Variants in PRUNE2 observed in about 807,000 individuals in gnomAD.
The protein encoded by PRUNE2 is prune homolog 2 with BCH domain.
PRUNE2 carries 164 observed loss-of-function variants against 252.0 expected under a neutral mutation model. The ratio of observed to expected loss-of-function variants is 0.65; its 90% CI spans 0.57 to 0.74. PRUNE2 has a LOEUF of 0.74. Among genes scored for constraint, PRUNE2 ranks in the 30% least tolerant of loss-of-function variants. The pLI is 0.00. For missense variants in PRUNE2, 3,495 were observed against 3,711.0 expected, an observed-to-expected ratio of 0.94 and a Z score of 1.51; for synonymous variants, 1,292 against 1,350.2, an observed-to-expected ratio of 0.96 and a Z score of 0.94.
chr9:76,726,087 T>C (rs2048079889), intron 6 of PRUNE2, among the ~76,000 whole-genome samples: 3 of 152,112 alleles, frequency 2.0e-5, no homozygotes, highest in South Asian at 2.1e-4. Flanking sequence ...TGGCATCCTC[T>C]ACACGGTGGG....
chr9:76,881,041 A>G (rs1294157035), intron 1 of PRUNE2, among the ~76,000 whole-genome samples: 1 of 150,570 alleles, frequency 6.6e-6, no homozygotes, highest in Non-Finnish European at 1.5e-5. Context: ...ACTCACTGCA[A>G]CCTCCACCTC....
At chr9:76,725,278 C>A (rs2048010677) in intron 6 of PRUNE2, among the ~76,000 whole-genome samples, 1 of 152,214 alleles carries the variant, frequency 6.6e-6, no homozygotes, top group Non-Finnish European at 1.5e-5. Flanking sequence ...CAATATTAAC[C>A]TGACCAAATG....
At position 76,620,633 on chromosome 9, in the gene PRUNE2, T is replaced by G. The variant is rs1006979599; in HGVS notation, c.9189-1246A>C. Among the ~76,000 whole-genome samples the G allele has an allele frequency of 2.2e-4, 33 of 152,290 alleles. 1 individual carries two copies. Among genetic ancestry groups the G allele is most frequent in the African/African-American group, 7.9e-4 (33 of 41,556 alleles). ...CAGGCGGCTATCTCCCCAGGTGAGA[T>G]AGCAACCTTCCTTTCTCACTCCCCA... On this transcript the variant is annotated intron_variant, in intron 17 of 18. Coordinates refer to ENST00000376718, the MANE Select transcript of PRUNE2 (RefSeq NM_015225.3).
intron 6 of PRUNE2, among the ~76,000 whole-genome samples, chr9:76,717,697 C>T (rs915308965): frequency 8.5e-5 from 13 of 152,078 alleles, no homozygotes; most frequent in Non-Finnish European, 1.5e-4. Context: ...CAGCCACACA[C>T]ACCTTCTGCA....
chr9:76,684,596 G>A (rs1189075464), intron 9 of PRUNE2, among the ~76,000 whole-genome samples: 1 of 152,314 alleles, frequency 6.6e-6, no homozygotes, highest in East Asian at 1.9e-4. Flanking sequence ...TAGATATCCA[G>A]CGTAAAGCTG....
intron 1 of PRUNE2, among the ~76,000 whole-genome samples, chr9:76,860,810 G>A (rs1432616239): frequency 6.6e-6 from 1 of 152,160 alleles, no homozygotes; most frequent in Admixed American, 6.5e-5. Context: ...TGAAACTGTA[G>A]GATGGTGTCT....
intron 1 of PRUNE2, among the ~76,000 whole-genome samples, chr9:76,873,176 G>A (rs2061311935): frequency 6.6e-6 from 1 of 152,022 alleles, no homozygotes; most frequent in African/African-American, 2.4e-5. Flanking sequence ...AGCCTCCAGA[G>A]CTGTGAGACA....
intron 1 of PRUNE2, among the ~76,000 whole-genome samples, chr9:76,869,414 G>A (rs904140500): frequency 1.3e-5 from 2 of 152,142 alleles, no homozygotes; most frequent in Admixed American, 6.6e-5. Flanking sequence ...GTTTTTCAGT[G>A]ACAGAAGAAC....
chr9:76,645,746 TTAAG>T (rs1844578991), intron 11 of PRUNE2, among the ~76,000 whole-genome samples: 1 of 152,224 alleles, frequency 6.6e-6, no homozygotes, highest in African/African-American at 2.4e-5. Context: ...CTTTGTATGT[TTAAG>T]TAATCTGAAA....
intron 7 of PRUNE2, 97 bp downstream of exon 7, chr9:76,713,466 C>T (rs1368330225): frequency 2.1e-6 from 2 of 968,530 alleles, no homozygotes; most frequent in African/African-American, 1.7e-5. Context: ...GGGCTAATTG[C>T]TCATGAGCCA....
At chr9:76,834,289 GAATA>G (rs1312446883) in intron 4 of PRUNE2, among the ~76,000 whole-genome samples, 4 of 152,104 alleles carry the variant, frequency 2.6e-5, no homozygotes, top group Admixed American at 2.6e-4. Flanking sequence ...GGAAAATAAA[GAATA>G]AACACTGTCT....
chr9:76,800,601 T>C (rs1043511004), intron 6 of PRUNE2, among the ~76,000 whole-genome samples: 18 of 152,370 alleles, frequency 1.2e-4, no homozygotes, highest in African/African-American at 1.7e-4. Context: ...TGACAATGGA[T>C]TGCTAATCTC....
chr9:76,711,030 G>C lies in PRUNE2; in HGVS notation c.1244C>G (p.Ala415Gly). Residue 415 changes from alanine to glycine, a missense_variant, in exon 8 of 19, where the codon GCT (alanine) becomes GGT (glycine). Physicochemically the swap from Ala to Gly is moderately conservative, Grantham distance 60. Transcript: ENST00000376718. ...NPPDLNDSNQ[A>G]QVDANVDLVS... ...AAGGTCTACATTGGCATCCACCTGAGCCTGGTTAGAATCATTGAGATCTGG... is the reference window on the plus strand; with the variant it reads ...AAGGTCTACATTGGCATCCACCTGACCCTGGTTAGAATCATTGAGATCTGG... 1 of 1,613,998 alleles carries C rather than the reference G, an allele frequency of 6.2e-7. No homozygotes were observed. Among genetic ancestry groups the C allele is most frequent in the Non-Finnish European group, 8.5e-7 (1 of 1,179,872 alleles).
chr9:76,856,442 A>C (rs2060253670), intron 1 of PRUNE2: 1 of 152,196 alleles, frequency 6.6e-6, no homozygotes, highest in African/African-American at 2.4e-5. Context: ...TACAGGAAAG[A>C]AGACATGGGG....
At chr9:76,884,659 A>G (rs1210708139) in intron 1 of PRUNE2, among the ~76,000 whole-genome samples, 1 of 152,158 alleles carries the variant, frequency 6.6e-6, no homozygotes, top group Non-Finnish European at 1.5e-5. Flanking sequence ...TGTGGACTCC[A>G]TGTCTTAAAA....
At chr9:76,868,525 T>A (rs974737083) in intron 1 of PRUNE2, among the ~76,000 whole-genome samples, 2 of 152,080 alleles carry the variant, frequency 1.3e-5, no homozygotes, top group Non-Finnish European at 2.9e-5. Context: ...ATTAGGGAAT[T>A]CTGTAGGATA....
intron 16 of PRUNE2, chr9:76,625,026 A>G: frequency 7.7e-7 from 1 of 1,303,502 alleles, no homozygotes; most frequent in Non-Finnish European, 1.0e-6. Context: ...ATTTTACCTC[A>G]CACTTCTCTT....
At chr9:76,794,632 A>AAAAAAAAG in intron 6 of PRUNE2, among the ~76,000 whole-genome samples, 1 of 122,608 alleles carries the variant, frequency 8.2e-6, no homozygotes, top group African/African-American at 4.1e-5. Flanking sequence ...AAAAAAAAAG[A>AAAAAAAAG]AAAGAAAAGA....
intron 6 of PRUNE2, among the ~76,000 whole-genome samples, chr9:76,728,283 T>G (rs952309470): frequency 6.6e-6 from 1 of 152,102 alleles, no homozygotes; most frequent in African/African-American, 2.4e-5. Context: ...CTGAATTATC[T>G]AAACCTGTAT....
Sources: gnomAD v4.1 joint callset for allele counts (sites outside exome capture counted in the v4.1 genomes callset) on GRCh38, gnomAD v4.1.1 for gene constraint, MANE v1.5 for transcripts, NCBI Gene and HGNC (gene_info 2026-07-23, HGNC 2026-07-21) for gene names.